The following R3HDM2 variants were observed in gnomAD, a reference collection of about 807,000 sequenced individuals.
R3HDM2 encodes R3H domain containing 2, also known as R3H domain-containing protein 2.
Under a neutral mutation model 124.5 loss-of-function variants are expected in R3HDM2, and 38 were observed. That is an observed-to-expected ratio of 0.31 (90% confidence interval 0.24 to 0.40). The LOEUF (loss-of-function observed/expected upper bound fraction) is 0.40, where lower values mean the gene tolerates loss of function less well. Ranked by LOEUF, R3HDM2 falls within the 10% of genes least tolerant of loss-of-function variation. The probability of loss-of-function intolerance (pLI) is 1.00; values close to 1 mark genes in which losing one functional copy is unlikely to be tolerated. For synonymous variants in R3HDM2, 391 were observed against 448.0 expected (o/e 0.87, Z 1.61); for missense variants, 869 against 1,236.9 (o/e 0.70, Z 4.46).
chr12:57,391,946 G>C (rs992667285), intron 2 of R3HDM2, among the ~76,000 whole-genome samples: 1 of 152,176 alleles, frequency 6.6e-6, no homozygotes, highest in East Asian at 1.9e-4. Context: ...TGGATTACCT[G>C]AGGTCAGGAG....
At chr12:57,305,652 G>GAACTCATAA in intron 3 of R3HDM2, 1 of 398,984 alleles carries the variant, frequency 2.5e-6, no homozygotes, top group Non-Finnish European at 4.4e-6. Flanking sequence ...TGTCAAAAAG[G>GAACTCATAA]AACTCATAAT....
In R3HDM2 at chr12:57,256,443, G is replaced by A; in HGVS notation, c.2518C>T (p.His840Tyr). 22 of 1,598,052 alleles carry A rather than the reference G, an allele frequency of 1.4e-5. No homozygotes were observed. The highest frequency in any genetic ancestry group is 1.8e-5 in the Non-Finnish European group (21 of 1,171,868). Residue 840 changes from histidine to tyrosine, a missense_variant, in exon 22 of 24, where the codon CAT (histidine) becomes TAT (tyrosine). Around this residue, in one of 2 missense-constraint regions of R3HDM2, gnomAD observed 602 missense variants for 789.2 expected, o/e 0.76. Transcript: ENST00000402412. ...TGCACCGTGTAAGTTGACTGGCCAT[G>A]GAGCAAGGGAGGGCAGATGGACAGA... is the stretch of plus-strand genomic sequence containing the variant. ...YNLSICPPLLHGQSTYTVHQG... is the reference protein window; with the variant it reads ...YNLSICPPLLYGQSTYTVHQG...
chr12:57,390,108 G>A (rs886455598), intron 2 of R3HDM2, among the ~76,000 whole-genome samples: 1 of 151,618 alleles, frequency 6.6e-6, no homozygotes, highest in Admixed American at 6.6e-5. Flanking sequence ...ACAGGTTGGG[G>A]GAGGGGATTC....
chr12:57,420,096 A>G (rs1291323039), intron 1 of R3HDM2, among the ~76,000 whole-genome samples: 1 of 152,136 alleles, frequency 6.6e-6, no homozygotes, highest in Non-Finnish European at 1.5e-5. Context: ...CTCTTAATGA[A>G]GGGGATAATA....
chr12:57,299,616 T>C, intron 5 of R3HDM2, 138 bp from the exon 6 acceptor site: 5 of 957,832 alleles, frequency 5.2e-6, no homozygotes, highest in Non-Finnish European at 6.0e-6. Context: ...TTAAACTGTT[T>C]TAGTTTTCTT....
intron 13 of R3HDM2, among the ~76,000 whole-genome samples, chr12:57,283,425 C>T (rs2046626339): frequency 6.6e-6 from 1 of 152,070 alleles, no homozygotes; most frequent in South Asian, 2.1e-4. Context: ...GGAAACTATA[C>T]TGGGACAAAT....
At chr12:57,336,776 T>C (rs542348780) in intron 2 of R3HDM2, among the ~76,000 whole-genome samples, 1 of 151,012 alleles carries the variant, frequency 6.6e-6, no homozygotes, top group African/African-American at 2.4e-5. Flanking sequence ...CATGTTTACC[T>C]GTGTAACAAA....
intron 6 of R3HDM2, 43 bp downstream of exon 6, chr12:57,299,309 G>A (rs1350818134): frequency 6.6e-7 from 1 of 1,510,458 alleles, no homozygotes; most frequent in African/African-American, 1.4e-5. Context: ...AAAAGTAAAG[G>A]GCACTGCCCT....
At chr12:57,340,133 A>G (rs2059380665) in intron 2 of R3HDM2, among the ~76,000 whole-genome samples, 2 of 152,354 alleles carry the variant, frequency 1.3e-5, no homozygotes, top group South Asian at 4.1e-4. Context: ...CAAACATTTA[A>G]GAAAGACTTT....
At chr12:57,257,939 G>A (rs747725699) in intron 21 of R3HDM2, 51 bp downstream of exon 21, 2 of 1,402,548 alleles carry the variant, frequency 1.4e-6, no homozygotes, top group South Asian at 1.9e-5. Flanking sequence ...AATTGGGAAT[G>A]GGATGTGAAA....
At chr12:57,375,963 T>C (rs1475843782) in intron 2 of R3HDM2, among the ~76,000 whole-genome samples, 1 of 152,016 alleles carries the variant, frequency 6.6e-6, no homozygotes, top group Non-Finnish European at 1.5e-5. Context: ...TGAGCCACCA[T>C]GCCCAGCCAG....
At chr12:57,330,447 G>T (rs141462396) in intron 2 of R3HDM2, among the ~76,000 whole-genome samples, 1 of 150,572 alleles carries the variant, frequency 6.6e-6, no homozygotes, top group Non-Finnish European at 1.5e-5. Flanking sequence ...GGGTTCAAGC[G>T]ATTCTCCTGC....
intron 11 of R3HDM2, 105 bp from the exon 12 acceptor site, chr12:57,289,145 G>T: frequency 8.9e-7 from 1 of 1,122,732 alleles, no homozygotes; most frequent in Non-Finnish European, 1.3e-6. Context: ...TCAAACCAAA[G>T]CTCACCCCAC....
chr12:57,365,498 T>A (rs1338782165), intron 2 of R3HDM2, among the ~76,000 whole-genome samples: 1 of 152,226 alleles, frequency 6.6e-6, no homozygotes. Context: ...TCACTAGTTT[T>A]AAGCAATTTG....
chr12:57,404,194 AGCTGCGATTACAGGCAT>A lies in R3HDM2; in HGVS notation c.-105-8393_-105-8377del, dbSNP rs551525346. Among the ~76,000 whole-genome samples, 1,408 of 151,294 alleles carry A rather than the reference AGCTGCGATTACAGGCAT, an allele frequency of 9.3e-3. 10 individuals are homozygous for A. The highest frequency in any genetic ancestry group is 0.024 in the Middle Eastern group (7 of 292). ...ATTCTCCTGCCTCATCCTCCCGAGT[AGCTGCGATTACAGGCAT>A]GCGCCACAACGCCCAGCTAATTTTG... On this transcript the variant is annotated intron_variant, in intron 1 of 23. Transcript: ENST00000402412.
intron 2 of R3HDM2, among the ~76,000 whole-genome samples, chr12:57,321,368 G>C (rs1355833161): frequency 6.6e-6 from 1 of 152,134 alleles, no homozygotes; most frequent in East Asian, 1.9e-4. Flanking sequence ...AACATGGATA[G>C]GGCCGGGCAC....
chr12:57,391,061 T>C (rs951212234), intron 2 of R3HDM2, among the ~76,000 whole-genome samples: 1 of 151,096 alleles, frequency 6.6e-6, no homozygotes, highest in Non-Finnish European at 1.5e-5. Flanking sequence ...CTAATTACCA[T>C]ACCCCCAGCA....
chr12:57,408,626 A>G (rs1209093556), intron 1 of R3HDM2, among the ~76,000 whole-genome samples: 2 of 152,128 alleles, frequency 1.3e-5, no homozygotes, highest in African/African-American at 4.8e-5. Flanking sequence ...AACAAAATTA[A>G]TCATGAGCAG....
intron 2 of R3HDM2, among the ~76,000 whole-genome samples, chr12:57,377,114 TG>T (rs1244742444): frequency 4.3e-5 from 1 of 23,312 alleles, no homozygotes; most frequent in Non-Finnish European, 9.9e-5. Flanking sequence ...AAAAGAGACT[TG>T]GTCTCAGAAA....
Sources: allele counts gnomAD v4.1 joint callset (sites outside exome capture counted in the v4.1 genomes callset), GRCh38; gene constraint gnomAD v4.1.1; regional missense constraint gnomAD v4.1.1; transcripts MANE v1.5; gene names NCBI Gene and HGNC (gene_info 2026-07-23, HGNC 2026-07-21).